The following ATOH8 variants were observed in gnomAD, a reference collection of about 807,000 sequenced individuals.
The protein encoded by ATOH8 is transcription factor ATOH8.
ATOH8 carries 9 observed loss-of-function variants against 21.2 expected under a neutral mutation model. That is an observed-to-expected ratio of 0.42 (90% CI 0.26 to 0.74). The LOEUF is 0.74. ATOH8 is among the 30% of genes least tolerant of loss of function. The pLI is 0.24. For missense variants in ATOH8, 524 were observed against 470.9 expected (o/e 1.11, Z -1.04); for synonymous variants, 253 against 224.0 (o/e 1.13, Z -1.16).
intron 2 of ATOH8, chr2:85,773,103 A>G (rs1250576720): frequency 1.1e-5 from 4 of 348,474 alleles, no homozygotes; most frequent in Admixed American, 4.1e-5. Context: ...AATAAACCCC[A>G]TGCACACAGA....
chr2:85,754,220 C>T lies in ATOH8; in HGVS notation c.31C>T (p.Pro11Ser), dbSNP rs752262250. 6 of 1,602,348 alleles carry T rather than the reference C, an allele frequency of 3.7e-6. No individual in the cohort carries two copies. The Admixed American group carries it at 1.0e-4, about 27-fold the overall frequency. ...GCACATCCCGGTCCTCGAGGACGGG[C>T]CGTGGAAGACCGTGTGCGTGAAGGA... MKHIPVLEDG[P>S]WKTVCVKELN... is the part of the protein sequence containing the mutation. Residue 11 changes from proline to serine, a missense_variant, in exon 1 of 3, where the codon CCG becomes TCG. Physicochemically the swap from Pro to Ser is moderately conservative, Grantham distance 74. Transcript: ENST00000306279.
chr2:85,778,562 G>A lies in ATOH8; in HGVS notation c.961-8323G>A, dbSNP rs149840017. The stretch of plus-strand genomic sequence containing the variant: ...TCTCCAAGCCACGGGTGCCCCAGTG[G>A]TCCTGAAGTATCCACAGCCGGGCTC... On this transcript the variant is annotated intron_variant, in intron 2 of 2. Coordinates refer to ENST00000306279, the MANE Select transcript of ATOH8 (RefSeq NM_032827.7). 5.0e-3 allele frequency among the ~76,000 whole-genome samples: 765 copies of A among 152,282 alleles called. 9 individuals carry two copies. Among genetic ancestry groups the A allele is most frequent in the African/African-American group, 0.017 (720 of 41,542 alleles).
At chr2:85,771,056 G>C (rs919993757) in intron 2 of ATOH8, among the ~76,000 whole-genome samples, 3 of 152,186 alleles carry the variant, frequency 2.0e-5, no homozygotes, top group African/African-American at 7.2e-5. Flanking sequence ...GAGGCTCAGT[G>C]GCTCTCGGGA....
At chr2:85,779,762 G>T (rs1680433234) in intron 2 of ATOH8, among the ~76,000 whole-genome samples, 1 of 152,254 alleles carries the variant, frequency 6.6e-6, no homozygotes, top group African/African-American at 2.4e-5. Flanking sequence ...TGCAACATGT[G>T]TGCAGCGGTA....
At position 85,785,207 on chromosome 2, in the gene ATOH8, C is replaced by T. The variant is rs1445511699; in HGVS notation, c.961-1678C>T. Among the ~76,000 whole-genome samples the T allele has an allele frequency of 2.0e-5, 3 of 152,258 alleles. No individual in the cohort carries two copies. The highest frequency in any genetic ancestry group is 2.9e-5 in the Non-Finnish European group (2 of 68,046). ...AGAGAAAAACCTTTTCTGCCCATGG[C>T]AGGGCCCGCCCAGGCAGCCAGCGCC... On this transcript the variant is annotated intron_variant, in intron 2 of 2. Coordinates refer to ENST00000306279, the MANE Select transcript of ATOH8 (RefSeq NM_032827.7). The surrounding 1 kb of genome is among the most constrained non-coding windows in gnomAD (Gnocchi z 4.1).
At chr2:85,761,302 A>G (rs1679865329) in intron 1 of ATOH8, among the ~76,000 whole-genome samples, 1 of 152,158 alleles carries the variant, frequency 6.6e-6, no homozygotes, top group Admixed American at 6.5e-5. Flanking sequence ...TTTTGTGTGT[A>G]CAGATGGTGG....
chr2:85,754,104 A>G lies in ATOH8; in HGVS notation c.-86A>G. On this transcript the variant is annotated 5_prime_UTR_variant, in exon 1 of 3. Coordinates refer to ENST00000306279, the MANE Select transcript of ATOH8 (RefSeq NM_032827.7). ...GAGAGAGGGAGGGGGAGGGCGGGCG[A>G]AGCGGGAGAGCCAGAGACTCCTCGG... is the stretch of plus-strand genomic sequence containing the variant. The G allele has an allele frequency of 2.2e-6, 3 of 1,362,080 alleles. No individual in the cohort carries two copies. The highest frequency in any genetic ancestry group is 2.8e-6 in the Non-Finnish European group (3 of 1,055,172). The allele number at this position is 1,362,080 out of a possible 1,614,324, so 84.4% of individuals were successfully genotyped here.
At chr2:85,756,820 G>C (rs565674555) in intron 1 of ATOH8, among the ~76,000 whole-genome samples, 1 of 152,102 alleles carries the variant, frequency 6.6e-6, no homozygotes, top group Non-Finnish European at 1.5e-5. Context: ...CTGTATCAGC[G>C]TCATGTGCCA....
intron 2 of ATOH8, among the ~76,000 whole-genome samples, chr2:85,784,826 C>A (rs1001942508): frequency 6.6e-6 from 1 of 152,232 alleles, no homozygotes; most frequent in African/African-American, 2.4e-5. Context: ...TGCTGAATTG[C>A]AGAGAAAGTC....
intron 2 of ATOH8, chr2:85,775,278 C>T (rs910575826): frequency 2.4e-5 from 24 of 985,212 alleles, no homozygotes; most frequent in Non-Finnish European, 2.8e-5. Flanking sequence ...AATAATGACA[C>T]ACCATTCTTT....
intron 2 of ATOH8, among the ~76,000 whole-genome samples, chr2:85,781,321 CTT>C (rs1680488396): frequency 6.6e-6 from 1 of 152,062 alleles, no homozygotes; most frequent in Non-Finnish European, 1.5e-5. Flanking sequence ...AGGCAGAGCA[CTT>C]TGGGAGGCTG....
intron 2 of ATOH8, among the ~76,000 whole-genome samples, chr2:85,767,590 CCCTT>C (rs1680056042): frequency 2.1e-5 from 3 of 143,136 alleles, no homozygotes; most frequent in Non-Finnish European, 3.1e-5. Context: ...TCCTTCCCTT[CCCTT>C]CCATGAACAG....
chr2:85,776,178 T>TG (rs768258689), intron 2 of ATOH8, among the ~76,000 whole-genome samples: 32 of 152,130 alleles, frequency 2.1e-4, no homozygotes, highest in African/African-American at 5.5e-4. Context: ...TGGGCAGGGC[T>TG]GGGTGGGGCT....
Position 85,764,097 on chromosome 2 carries a change from C to T in ATOH8, c.875C>T (p.Ala292Val). Residue 292 changes from alanine to valine, a missense_variant, in exon 2 of 3, where the codon GCC becomes GTC. Physicochemically the swap from Ala to Val is moderately conservative, Grantham distance 64. Coordinates refer to ENST00000306279, the MANE Select transcript of ATOH8 (RefSeq NM_032827.7). ...CGGCTGGCTGACCTTGACTACAGTG[C>T]CGACCACAGCAACCTCAGCTTCTCC... ...LARLADLDYS[A>V]DHSNLSFSEC... 6.2e-7 allele frequency: 1 copy of T among 1,614,168 alleles called. No homozygotes were observed. The highest frequency in any genetic ancestry group is 8.5e-7 in the Non-Finnish European group (1 of 1,180,032).
chr2:85,783,863 C>A (rs571096532), intron 2 of ATOH8, among the ~76,000 whole-genome samples: 346 of 152,176 alleles, frequency 2.3e-3, no homozygotes, highest in South Asian at 0.012. Flanking sequence ...CCCCGCCCCC[C>A]ACACACAGCC....
At chr2:85,755,686 C>T (rs960986819) in intron 1 of ATOH8, among the ~76,000 whole-genome samples, 1 of 152,044 alleles carries the variant, frequency 6.6e-6, no homozygotes, top group African/African-American at 2.4e-5. Flanking sequence ...GGGGCTGGTG[C>T]GGGCTGCCCT....
chr2:85,774,534 A>G, intron 2 of ATOH8: 1 of 985,402 alleles, frequency 1.0e-6, no homozygotes, highest in Non-Finnish European at 1.2e-6. Context: ...CTCCTTTAAC[A>G]TCTTGCCACC....
In ATOH8 at chr2:85,786,930, C is replaced by T. The variant is rs766534251; in HGVS notation, c.*40C>T. Reference sequence around the variant, plus strand: ...GACCAAGGCCACCACTGTGGGCCCTCCTTCCAGTCAGGCCTGAGGACAAGG... The same window carrying T: ...GACCAAGGCCACCACTGTGGGCCCTTCTTCCAGTCAGGCCTGAGGACAAGG... On this transcript the variant is annotated 3_prime_UTR_variant, in exon 3 of 3. Coordinates refer to ENST00000306279, the MANE Select transcript of ATOH8 (RefSeq NM_032827.7). The T allele has an allele frequency of 6.2e-7, 1 of 1,614,094 alleles. No homozygotes were observed. The highest frequency in any genetic ancestry group is 8.5e-7 in the Non-Finnish European group (1 of 1,179,964).
intron 2 of ATOH8, chr2:85,781,044 A>G (rs1680474073): frequency 5.0e-5 from 49 of 988,016 alleles, no homozygotes; most frequent in Non-Finnish European, 5.8e-5. Context: ...TGTCCCTTGG[A>G]GAAGATGTGA....
Sources: gnomAD v4.1 joint callset for allele counts (sites outside exome capture counted in the v4.1 genomes callset) on GRCh38, gnomAD v4.1.1 for gene constraint, Gnocchi (gnomAD v3.1) non-coding constraint, MANE v1.5 for transcripts, NCBI Gene and HGNC (gene_info 2026-07-23, HGNC 2026-07-21) for gene names.